Variants in SUN3 observed in about 807,000 individuals in gnomAD.
SUN3 encodes Sad1 and UNC84 domain containing 3.
Under a neutral mutation model 48.2 loss-of-function variants are expected in SUN3, and 36 were observed. The ratio of observed to expected loss-of-function variants is 0.75; its 90% CI spans 0.57 to 0.99. SUN3 has a LOEUF of 0.99. Among genes scored for constraint, SUN3 ranks in the 50% least tolerant of loss-of-function variants. The pLI is 0.00. For missense variants in SUN3, 419 were observed against 433.1 expected (o/e 0.97, Z 0.29); for synonymous variants, 148 against 147.9 (o/e 1.00, Z 0.00).
chr7:47,994,118 G>A (rs1789137909), intron 8 of SUN3, among the ~76,000 whole-genome samples, 197 bp downstream of exon 8: 1 of 152,126 alleles, frequency 6.6e-6, no homozygotes, highest in Non-Finnish European at 1.5e-5. Flanking sequence ...ACTTATACAT[G>A]TATAACTTTG....
chr7:48,035,649 G>C, the SUN3 span: 1 of 661,714 alleles, frequency 1.5e-6, no homozygotes, highest in Non-Finnish European at 2.7e-6. The surrounding 1 kb of genome is among the most constrained non-coding windows in gnomAD (Gnocchi z 4.0). Context: ...GAGCGGGCTG[G>C]AGGACAATGG....
At chr7:48,001,504 T>G (rs902882798) in intron 6 of SUN3, among the ~76,000 whole-genome samples, 1 of 150,888 alleles carries the variant, frequency 6.6e-6, no homozygotes, top group African/African-American at 2.4e-5. Context: ...GCATTTAGGT[T>G]GGTTCCATGT....
chr7:48,020,673 A>G (rs528593597), intron 2 of SUN3, among the ~76,000 whole-genome samples: 1 of 152,306 alleles, frequency 6.6e-6, no homozygotes, highest in South Asian at 2.1e-4. Flanking sequence ...AAATTAATAA[A>G]GTAATCTCAT....
chr7:48,013,965 T>C (rs947499781), intron 3 of SUN3, among the ~76,000 whole-genome samples: 3 of 152,188 alleles, frequency 2.0e-5, no homozygotes, highest in Non-Finnish European at 1.5e-5. Context: ...ACGGCCATAG[T>C]CATTTTATTT....
chr7:47,991,445 C>CTT (rs149710616), intron 8 of SUN3, among the ~76,000 whole-genome samples: 2,907 of 152,206 alleles, frequency 0.019, 101 homozygotes, highest in African/African-American at 0.067. Context: ...GACAGCAGCC[C>CTT]TTTGTTTTGA....
intron 1 of SUN3, among the ~76,000 whole-genome samples, chr7:48,028,193 C>T (rs1790185839): frequency 6.6e-6 from 1 of 151,516 alleles, no homozygotes; most frequent in Non-Finnish European, 1.5e-5. Flanking sequence ...TCATTGTTAC[C>T]AATAGGAAGG....
intron 6 of SUN3, among the ~76,000 whole-genome samples, chr7:48,005,065 C>T (rs1041041937): frequency 1.2e-4 from 19 of 152,144 alleles, no homozygotes; most frequent in Non-Finnish European, 7.3e-5. Context: ...CACCTACATT[C>T]GTCATCATAG....
chr7:48,028,830 G>C lies in SUN3; in HGVS notation c.109C>G (p.Pro37Ala). The C allele has an allele frequency of 6.2e-7, 1 of 1,613,802 alleles. No individual in the cohort carries two copies. Among genetic ancestry groups the C allele is most frequent in the Non-Finnish European group, 8.5e-7 (1 of 1,179,798 alleles). The change falls in exon 1 of 10, where the codon CCT becomes GCT. Residue 37 changes from proline (P) to alanine (A), a missense_variant. By Grantham distance (27) the Pro-to-Ala change is conservative (BLOSUM62 -1). Transcript: ENST00000297325. ...ATGTTTACCTACCCATTCGCATCAG[G>C]ATTTTCGTCCTCTGATAACAAAGCA... ...GNALLSEDEN[P>A]DANGVTRSWK...
At chr7:48,034,051 C>T (rs1236019838), upstream of SUN3, among the ~76,000 whole-genome samples, 1 of 152,198 alleles carries the variant, frequency 6.6e-6, no homozygotes, top group African/African-American at 2.4e-5. Context: ...AAGAGCAAGG[C>T]TCTGTCTCTA....
intron 6 of SUN3, among the ~76,000 whole-genome samples, chr7:47,996,802 CTTT>C (rs35247146): frequency 2.2e-5 from 3 of 135,346 alleles, no homozygotes; most frequent in African/African-American, 2.7e-5. Context: ...TTCTTTCCTT[CTTT>C]TTTTTTTTTT....
At chr7:48,005,059 T>G (rs944247643) in intron 6 of SUN3, among the ~76,000 whole-genome samples, 2 of 152,230 alleles carry the variant, frequency 1.3e-5, no homozygotes, top group African/African-American at 4.8e-5. Context: ...CTCTTGCACC[T>G]ACATTCGTCA....
upstream of SUN3, among the ~76,000 whole-genome samples, chr7:48,029,847 G>A (rs974002648): frequency 1.3e-5 from 2 of 152,134 alleles, no homozygotes; most frequent in Non-Finnish European, 2.9e-5. Flanking sequence ...ATTGATTGTT[G>A]TTGATGAGAA....
At chr7:48,007,111 A>G (rs907454565) in intron 5 of SUN3, 54 bp downstream of exon 5, 5 of 1,554,000 alleles carry the variant, frequency 3.2e-6, no homozygotes, top group Admixed American at 3.8e-5. Context: ...CACCCTGGAC[A>G]TCCGCGCTAA....
intron 9 of SUN3, among the ~76,000 whole-genome samples, 168 bp from the exon 10 acceptor site, chr7:47,987,617 T>A (rs1007946264): frequency 6.6e-6 from 1 of 152,040 alleles, no homozygotes; most frequent in Non-Finnish European, 1.5e-5. Flanking sequence ...CATTGCCACC[T>A]CTACCTCCTG....
In SUN3 at chr7:48,000,868, G is replaced by GGTT. The variant is rs373846628; in HGVS notation, c.578-4723_578-4722insAAC. Among the ~76,000 whole-genome samples the GGTT allele has an allele frequency of 2.1e-5, 3 of 143,794 alleles. No homozygotes were observed. In the East Asian group the frequency reaches 6.1e-4, roughly 29 times the overall value. The allele number at this position is 143,794 out of a possible 152,430, so 94.3% of individuals were successfully genotyped here. On this transcript the variant is annotated intron_variant, in intron 6 of 9. Transcript: ENST00000297325. The stretch of plus-strand genomic sequence containing the variant: ...TGCTTTTTGAGTCTGTAAATTTATG[G>GGTT]TTTTTTTTTTTTAAATCGAGTTTGA...
chr7:47,990,995 G>T, intron 8 of SUN3: 1 of 454,798 alleles, frequency 2.2e-6, no homozygotes, highest in South Asian at 1.6e-5. Flanking sequence ...ATACCTGTTG[G>T]GTATTACTAC....
chr7:47,992,410 T>TA (rs1789092767), intron 8 of SUN3, among the ~76,000 whole-genome samples: 1 of 152,014 alleles, frequency 6.6e-6, no homozygotes, highest in Admixed American at 6.6e-5. Flanking sequence ...ATATAGGCTC[T>TA]AAAAAAGGGA....
upstream of SUN3, among the ~76,000 whole-genome samples, chr7:48,033,283 A>G (rs1777984554): frequency 6.6e-6 from 1 of 152,234 alleles, no homozygotes; most frequent in African/African-American, 2.4e-5. Context: ...AAAGTTGGCT[A>G]GGTGTGGTGG....
In SUN3 at chr7:48,005,838, AATTG is replaced by A. The variant is rs1280471160; in HGVS notation, c.577+127_577+130del. 12 of 518,090 alleles carry A rather than the reference AATTG, an allele frequency of 2.3e-5. No individual in the cohort carries two copies. The East Asian group carries it at 3.0e-4, about 13-fold the overall frequency. 32.1% of individuals were successfully genotyped at this position (518,090 alleles called of 1,614,324 possible). On this transcript the variant is annotated intron_variant, in intron 6 of 9. Transcript: ENST00000297325. ...TTTCTACTCTCTTCTTTATTATCTA[AATTG>A]ATTAATTTCCCCCCCCCAAGTTACC...
Sources: gnomAD v4.1 joint callset for allele counts (sites outside exome capture counted in the v4.1 genomes callset) on GRCh38, gnomAD v4.1.1 for gene constraint, Gnocchi (gnomAD v3.1) non-coding constraint, MANE v1.5 for transcripts, NCBI Gene and HGNC (gene_info 2026-07-23, HGNC 2026-07-21) for gene names.